Variants in NENF observed in about 807,000 individuals in gnomAD.
NENF encodes the protein neudesin neurotrophic factor.
In NENF, 6 loss-of-function variants were observed where a neutral mutation model predicts 14.8. The observed-to-expected ratio is 0.40, with a 90% confidence interval of 0.22 to 0.80. NENF has a LOEUF of 0.80. Ranked by LOEUF, NENF falls within the 30% of genes least tolerant of loss-of-function variation. The probability of loss-of-function intolerance (pLI) is 0.34; values close to 1 mark genes in which losing one functional copy is unlikely to be tolerated. For missense variants in NENF, 184 were observed against 212.7 expected, an observed-to-expected ratio of 0.87 and a Z score of 0.84; for synonymous variants, 76 against 95.1, an observed-to-expected ratio of 0.80 and a Z score of 1.17.
At chr1:212,444,313 C>A in intron 2 of NENF, 26 bp from the exon 3 acceptor site, 1 of 1,515,414 alleles carries the variant, frequency 6.6e-7, no homozygotes, top group South Asian at 1.2e-5. Flanking sequence ...CCCACGCTTA[C>A]GTCTCTTCCT....
At chr1:212,439,688 CAAA>C (rs1218927992) in intron 1 of NENF, among the ~76,000 whole-genome samples, 2 of 60,934 alleles carry the variant, frequency 3.3e-5, no homozygotes, top group South Asian at 6.7e-4. Context: ...ACTAAATATA[CAAA>C]AAAAAAAAAA....
At chr1:212,440,578 A>G (rs1243702465) in intron 1 of NENF, among the ~76,000 whole-genome samples, 2 of 152,152 alleles carry the variant, frequency 1.3e-5, no homozygotes, top group Non-Finnish European at 1.5e-5. Flanking sequence ...GTTTGGAGTA[A>G]TAAAAGGCAG....
Position 212,433,255 on chromosome 1 carries a change from G to C in NENF, c.177+135G>C, listed in dbSNP as rs1662549291. The C allele has an allele frequency of 2.5e-6, 1 of 401,668 alleles. No homozygotes were observed. Among genetic ancestry groups the C allele is most frequent in the Non-Finnish European group, 3.9e-6 (1 of 258,190 alleles). 24.9% of individuals were successfully genotyped at this position (401,668 alleles called of 1,614,324 possible). ...GGCCCGCGGCGGGCGCCCTGGGCCG[G>C]CGGGGGGCCTCCTCTCTCTAGGCCC... On this transcript the variant is annotated intron_variant, in intron 1 of 3. Transcript: ENST00000366988. This position sits in a 1 kb window ranked among gnomAD's most constrained non-coding sequence, Gnocchi z 5.5.
In NENF at chr1:212,433,984, T is replaced by C. The variant is rs552602142; in HGVS notation, c.177+864T>C. 1.3e-5 allele frequency among the ~76,000 whole-genome samples: 2 copies of C among 152,188 alleles called. No individual in the cohort carries two copies. The highest frequency in any genetic ancestry group is 2.9e-5 in the Non-Finnish European group (2 of 68,006). ...TAAGGAAACTGAGGCCTGCCACCTGTTAGTGGTAGAGCAGGAAGAGGCCTG... is the reference window on the plus strand; with the variant it reads ...TAAGGAAACTGAGGCCTGCCACCTGCTAGTGGTAGAGCAGGAAGAGGCCTG... On this transcript the variant is annotated intron_variant, in intron 1 of 3. Coordinates refer to ENST00000366988, the MANE Select transcript of NENF (RefSeq NM_013349.5). The surrounding 1 kb of genome is among the most constrained non-coding windows in gnomAD (Gnocchi z 5.5).
chr1:212,446,012 C>T lies in NENF; in HGVS notation c.*6C>T. ...ACATCAAGGATGAGTTCTGATGTTC[C>T]CCCTGCAGGAGCAGGTTCTTGGGAG... is the stretch of plus-strand genomic sequence containing the variant. On this transcript the variant is annotated 3_prime_UTR_variant, in exon 4 of 4. Coordinates refer to ENST00000366988, the MANE Select transcript of NENF (RefSeq NM_013349.5). The T allele has an allele frequency of 6.2e-7, 1 of 1,613,940 alleles. No individual in the cohort carries two copies.
intron 2 of NENF, among the ~76,000 whole-genome samples, chr1:212,443,095 A>G (rs1662722037): frequency 6.6e-6 from 1 of 152,182 alleles, no homozygotes; most frequent in Non-Finnish European, 1.5e-5. Context: ...GTTTTACTTC[A>G]GCAGGGGCTT....
At position 212,433,006 on chromosome 1, in the gene NENF, G is replaced by A. The variant is rs1662542426; in HGVS notation, c.63G>A (p.Ala21=). 8.6e-7 allele frequency: 1 copy of A among 1,160,646 alleles called. No individual in the cohort carries two copies. Among genetic ancestry groups the A allele is most frequent in the Non-Finnish European group, 1.1e-6 (1 of 941,500 alleles). The allele number at this position is 1,160,646 out of a possible 1,614,324, so 71.9% of individuals were successfully genotyped here. ...TGGCAGCGCTGGCCCTGGTCCTGGC[G>A]CTGGCCCCGGGGCTGCCCACAGCCC... is the stretch of plus-strand genomic sequence containing the variant. ...RPLAALALVL[A]LAPGLPTARA... Residue 21 remains alanine (A), a synonymous_variant, in exon 1 of 4, where the codon GCG becomes GCA. Transcript: ENST00000366988. This position sits in a 1 kb window ranked among gnomAD's most constrained non-coding sequence, Gnocchi z 5.5.
intron 1 of NENF, chr1:212,435,057 A>C (rs934403655): frequency 6.6e-6 from 1 of 152,224 alleles, no homozygotes; most frequent in South Asian, 2.1e-4. Context: ...GTTCTGGTCT[A>C]TGCCTGTTAT....
chr1:212,441,917 T>A (rs765387174), intron 1 of NENF, among the ~76,000 whole-genome samples: 5 of 152,262 alleles, frequency 3.3e-5, no homozygotes, highest in Admixed American at 6.5e-5. Flanking sequence ...CATCCGTGTA[T>A]GTCTATTGAT....
At position 212,445,979 on chromosome 1, in the gene NENF, CCATT is replaced by C. The variant is rs1229348310; in HGVS notation, c.493_496del (p.His165LeufsTer25). ...TGGACTTCAAGCCTGAAGACCAGCC[CCATT>C]TTGACATCAAGGATGAGTTCTGATG... On this transcript the variant is annotated frameshift_variant, in exon 4 of 4. Transcript: ENST00000366988. LOFTEE classifies it high-confidence loss of function. 6.2e-7 allele frequency: 1 copy of C among 1,614,190 alleles called. No individual in the cohort carries two copies. The highest frequency in any genetic ancestry group is 8.5e-7 in the Non-Finnish European group (1 of 1,180,046).
At chr1:212,441,165 G>A (rs552519328) in intron 1 of NENF, among the ~76,000 whole-genome samples, 1 of 152,358 alleles carries the variant, frequency 6.6e-6, no homozygotes, top group Admixed American at 6.5e-5. Flanking sequence ...TAGTAGAACG[G>A]TGGGGAAACA....
chr1:212,437,139 A>G (rs1002456686), intron 1 of NENF, among the ~76,000 whole-genome samples: 3 of 152,210 alleles, frequency 2.0e-5, no homozygotes, highest in Non-Finnish European at 4.4e-5. Context: ...TTCATGCACT[A>G]CAGAAATCTA....
At chr1:212,436,588 G>A (rs892453274) in intron 1 of NENF, among the ~76,000 whole-genome samples, 4 of 152,118 alleles carry the variant, frequency 2.6e-5, no homozygotes, top group South Asian at 2.1e-4. Flanking sequence ...GATTACAGGC[G>A]TAAGCCACTG....
intron 1 of NENF, among the ~76,000 whole-genome samples, chr1:212,439,862 C>G (rs541685548): frequency 1.3e-5 from 2 of 150,786 alleles, no homozygotes; most frequent in African/African-American, 2.4e-5. Flanking sequence ...TCCGTCCCCC[C>G]CCCACAAAAA....
At chr1:212,435,953 G>A (rs1662595357) in intron 1 of NENF, among the ~76,000 whole-genome samples, 1 of 152,126 alleles carries the variant, frequency 6.6e-6, no homozygotes, top group African/African-American at 2.4e-5. Context: ...AGTAATGTAA[G>A]CTAGACAAAA....
At position 212,446,046 on chromosome 1, in the gene NENF, A is replaced by C; in HGVS notation, c.*40A>C. 1 of 1,606,274 alleles carries C rather than the reference A, an allele frequency of 6.2e-7. No homozygotes were observed. ...GAGCAGGTTCTTGGGAGCGTGAGGC[A>C]GGAAGACACTAGGTGCTGAATCTCC... On this transcript the variant is annotated 3_prime_UTR_variant, in exon 4 of 4. Transcript: ENST00000366988.
intron 1 of NENF, among the ~76,000 whole-genome samples, chr1:212,442,305 C>T (rs192981484): frequency 6.6e-6 from 1 of 152,376 alleles, no homozygotes; most frequent in East Asian, 1.9e-4. Flanking sequence ...AGTCACTGTG[C>T]CTGGCCCCTG....
In NENF at chr1:212,446,219, G is replaced by A. The variant is rs1662777185; in HGVS notation, c.*213G>A. ...GTCTGCACACCAGGGATCAATAAGA[G>A]CCAAAGTGGGACACCTCCTAGATGT... On this transcript the variant is annotated 3_prime_UTR_variant, in exon 4 of 4. Transcript: ENST00000366988. The A allele has an allele frequency of 5.5e-6, 3 of 549,832 alleles. No homozygotes were observed. The East Asian group carries it at 8.9e-5, about 16-fold the overall frequency. 34.1% of individuals were successfully genotyped at this position (549,832 alleles called of 1,614,324 possible).
At chr1:212,441,367 A>T in intron 1 of NENF, among the ~76,000 whole-genome samples, 1 of 152,370 alleles carries the variant, frequency 6.6e-6, no homozygotes, top group East Asian at 1.9e-4. Context: ...ACCAAATTAG[A>T]AAGTAATTGA....
Sources: gnomAD v4.1 joint callset for allele counts (sites outside exome capture counted in the v4.1 genomes callset) on GRCh38, gnomAD v4.1.1 for gene constraint, Gnocchi (gnomAD v3.1) non-coding constraint, MANE v1.5 for transcripts, NCBI Gene and HGNC (gene_info 2026-07-23, HGNC 2026-07-21) for gene names.